JMJD1C: variants seen among roughly 807,000 people sequenced by gnomAD.
JMJD1C encodes the protein jumonji domain-containing protein 1C.
Under a neutral mutation model 245.3 loss-of-function variants are expected in JMJD1C, and 31 were observed. The observed-to-expected ratio is 0.13, with a 90% CI of 0.09 to 0.17. The LOEUF is 0.17. Among genes scored for constraint, JMJD1C ranks in the 10% least tolerant of loss-of-function variants. JMJD1C has a pLI of 1.00. For synonymous variants in JMJD1C, 1,057 were observed against 1,017.4 expected, an observed-to-expected ratio of 1.04 and a Z score of -0.74; for missense variants, 2,691 against 3,000.2, an observed-to-expected ratio of 0.90 and a Z score of 2.41.
chr10:63,379,390 A>C (rs1947032994), intron 2 of JMJD1C, among the ~76,000 whole-genome samples: 1 of 152,188 alleles, frequency 6.6e-6, no homozygotes, highest in African/African-American at 2.4e-5. Flanking sequence ...TAGTTAAATG[A>C]ATGTGGCTCT....
At chr10:63,274,373 G>A (rs1856591839) in intron 2 of JMJD1C, among the ~76,000 whole-genome samples, 1 of 152,052 alleles carries the variant, frequency 6.6e-6, no homozygotes, top group African/African-American at 2.4e-5. Flanking sequence ...AGATCAGCCT[G>A]GGCAACATGG....
intron 1 of JMJD1C, among the ~76,000 whole-genome samples, chr10:63,483,520 G>A (rs897148527): frequency 2.6e-5 from 4 of 152,184 alleles, no homozygotes; most frequent in African/African-American, 9.7e-5. Context: ...ACAACCAAAT[G>A]TGTCTCCAGA....
intron 3 of JMJD1C, among the ~76,000 whole-genome samples, chr10:63,262,668 G>A (rs1043652242): frequency 6.6e-6 from 1 of 152,184 alleles, no homozygotes; most frequent in African/African-American, 2.4e-5. Context: ...ACTTCTGGAA[G>A]ATATGGCATC....
At chr10:63,248,555 T>TAAATA in intron 3 of JMJD1C, among the ~76,000 whole-genome samples, 1 of 151,478 alleles carries the variant, frequency 6.6e-6, no homozygotes, top group African/African-American at 2.4e-5. Flanking sequence ...AATAAATAAA[T>TAAATA]AAATAAATAA....
intron 1 of JMJD1C, among the ~76,000 whole-genome samples, chr10:63,492,145 C>G (rs894690842): frequency 1.3e-5 from 2 of 152,172 alleles, no homozygotes; most frequent in Admixed American, 6.5e-5. Context: ...GGGATCCTCC[C>G]GCCTCAGCCC....
chr10:63,509,965 TTC>T (rs1458719102), intron 1 of JMJD1C, among the ~76,000 whole-genome samples: 1 of 152,028 alleles, frequency 6.6e-6, no homozygotes, highest in Non-Finnish European at 1.5e-5. Flanking sequence ...TGTGTTCTTT[TTC>T]TGTTTCCTAA....
intron 3 of JMJD1C, among the ~76,000 whole-genome samples, chr10:63,233,725 T>TTATA (rs60964501): frequency 1.2e-3 from 176 of 141,006 alleles, no homozygotes; most frequent in African/African-American, 3.8e-3. Flanking sequence ...TATATACATA[T>TTATA]TATATATATA....
chr10:63,277,556 A>G lies in JMJD1C; in HGVS notation c.334-12792T>C, dbSNP rs1856922453. On this transcript the variant is annotated intron_variant, in intron 2 of 25. Transcript: ENST00000399262. ...GTGTCTGCAGATTCTCAGAATAACT[A>G]GCTCAAAACATGGCAAAAAAAGATA... 2.0e-5 allele frequency among the ~76,000 whole-genome samples: 3 copies of G among 152,100 alleles called. No homozygotes were observed. In the South Asian group the frequency reaches 6.2e-4, roughly 31 times the overall value.
chr10:63,210,584 G>C (rs955293652), intron 8 of JMJD1C, among the ~76,000 whole-genome samples: 1 of 152,076 alleles, frequency 6.6e-6, no homozygotes, highest in African/African-American at 2.4e-5. Flanking sequence ...GTTTTCAAGA[G>C]TTTGGATGTT....
intron 2 of JMJD1C, among the ~76,000 whole-genome samples, chr10:63,298,711 TAA>T (rs1162956626): frequency 2.6e-5 from 4 of 152,322 alleles, no homozygotes; most frequent in African/African-American, 9.6e-5. Flanking sequence ...CCGACATCAG[TAA>T]AAGACAGAAT....
At chr10:63,208,932 T>C (rs1445249076) in intron 9 of JMJD1C, 131 bp from the exon 10 acceptor site, 1 of 1,065,444 alleles carries the variant, frequency 9.4e-7, no homozygotes, top group African/African-American at 1.6e-5. Context: ...TATAATAAAT[T>C]TGAAGAAATA....
chr10:63,310,107 CAAACTTTATAGAAAA>C (rs892696773), intron 2 of JMJD1C, among the ~76,000 whole-genome samples: 53 of 152,144 alleles, frequency 3.5e-4, no homozygotes, highest in African/African-American at 1.2e-3. Flanking sequence ...AAAAAATTTG[CAAACTTTATAGAAAA>C]AAGCGTAAAC....
intron 1 of JMJD1C, among the ~76,000 whole-genome samples, chr10:63,443,936 T>C (rs887634246): frequency 6.6e-6 from 1 of 152,188 alleles, no homozygotes; most frequent in Non-Finnish European, 1.5e-5. Context: ...TGTTTCTAAA[T>C]ATACAACTGT....
At chr10:63,283,908 C>G (rs1311541620) in intron 2 of JMJD1C, among the ~76,000 whole-genome samples, 1 of 151,960 alleles carries the variant, frequency 6.6e-6, no homozygotes, top group Non-Finnish European at 1.5e-5. Flanking sequence ...ATAAGAAAAG[C>G]AAAATGCTAC....
At chr10:63,243,862 A>G (rs1224218311) in intron 3 of JMJD1C, among the ~76,000 whole-genome samples, 1 of 152,194 alleles carries the variant, frequency 6.6e-6, no homozygotes, top group East Asian at 1.9e-4. Context: ...CTTTCTATTT[A>G]TTTATTTTGA....
rs538048815 is a variant in JMJD1C, at chr10:63,500,163, T to C, written n.113+21575A>G. Among the ~76,000 whole-genome samples the C allele has an allele frequency of 3.0e-3, 452 of 152,342 alleles. 2 individuals are homozygous for C. Among genetic ancestry groups the C allele is most frequent in the Non-Finnish European group, 4.2e-3 (287 of 68,024 alleles). ...AAGGCCAGGCATGGTCGCTCATGCC[T>C]ATAATCCCAGCACTGTGGGAGGCCG... On this transcript the variant is annotated intron_variant and non_coding_transcript_variant, in intron 1 of 3. Transcript: ENST00000633035.
intron 1 of JMJD1C, among the ~76,000 whole-genome samples, chr10:63,424,978 T>A (rs1950357215): frequency 6.6e-6 from 1 of 152,190 alleles, no homozygotes. Context: ...AGCTTTTAAC[T>A]GTGGCCGCTC....
At chr10:63,442,120 C>A (rs915706594) in intron 1 of JMJD1C, among the ~76,000 whole-genome samples, 9 of 152,128 alleles carry the variant, frequency 5.9e-5, no homozygotes, top group African/African-American at 1.9e-4. Flanking sequence ...AGACAAGCAA[C>A]CAAAAATACT....
chr10:63,243,483 G>A (rs1382443832), intron 3 of JMJD1C, among the ~76,000 whole-genome samples: 2 of 152,054 alleles, frequency 1.3e-5, no homozygotes, highest in Non-Finnish European at 2.9e-5. Flanking sequence ...CCGAGATCAC[G>A]CCATTGCACT....
Sources: allele counts gnomAD v4.1 joint callset (sites outside exome capture counted in the v4.1 genomes callset), GRCh38; gene constraint gnomAD v4.1.1; transcripts MANE v1.5; gene names NCBI Gene and HGNC (gene_info 2026-07-23, HGNC 2026-07-21).